Variants in MYO9A observed in about 807,000 individuals in gnomAD.
The protein encoded by MYO9A is unconventional myosin-IXa.
MYO9A carries 103 observed loss-of-function variants against 293.3 expected under a neutral mutation model. The observed-to-expected ratio is 0.35, with a 90% CI of 0.30 to 0.41. The LOEUF (loss-of-function observed/expected upper bound fraction) is 0.41. MYO9A is among the 10% of genes least tolerant of loss of function. The pLI is 1.00. For missense variants in MYO9A, 2,685 were observed against 3,033.0 expected (o/e 0.89, Z 2.69); for synonymous variants, 1,001 against 1,035.7 (o/e 0.97, Z 0.64).
Position 71,956,310 on chromosome 15 carries a change from TAAAAAA to T in MYO9A, c.2182+3585_2182+3590del, listed in dbSNP as rs869151550. Among the ~76,000 whole-genome samples, 36 of 36,764 alleles carry T rather than the reference TAAAAAA, an allele frequency of 9.8e-4. 1 individual carries two copies. The highest frequency in any genetic ancestry group is 3.0e-3 in the African/African-American group (29 of 9,540). The allele number at this position is 36,764 out of a possible 152,430, so 24.1% of individuals were successfully genotyped here. A position where few individuals can be genotyped will look rare whatever the true frequency, so the allele number is the denominator to read the frequency against. ...ATGCAACACAGCGAAACCCGGCTCT[TAAAAAA>T]AAAAAAAAAAAAAAATATATATATA... On this transcript the variant is annotated intron_variant, in intron 14 of 41. Transcript: ENST00000356056.
Position 71,898,371 on chromosome 15 carries a change from T to C in MYO9A, c.4132A>G (p.Asn1378Asp), listed in dbSNP as rs766323964. Residue 1378 changes from asparagine to aspartate, a missense_variant, in exon 25 of 42, where the codon AAT becomes GAT. Asn to Asp is a conservative substitution (Grantham distance 23). This residue lies in a region of MYO9A where 1,434 missense variants were observed against 1,497.7 expected (regional missense o/e 0.96). Transcript: ENST00000356056. ...AAATGCTCTGCACTGCTAGTCTCAT[T>C]TGAGGCACTGAGGGCATTGTCCCGT... ...DSRDNALSAS[N>D]ETSSAEHLKD... 1 of 1,613,638 alleles carries C rather than the reference T, an allele frequency of 6.2e-7. No individual in the cohort carries two copies. Among genetic ancestry groups the C allele is most frequent in the South Asian group, 1.1e-5 (1 of 91,080 alleles).
Position 71,850,080 on chromosome 15 carries a change from G to A in MYO9A, c.6669C>T (p.Thr2223=). Residue 2223 remains threonine (T), a synonymous_variant, in exon 38 of 42, where the codon ACC becomes ACT. Transcript: ENST00000356056. ...FAPCILRCPD[T]TDPLQSVQDI... ...CCTGTACACTTTGTAGTGGGTCAGT[G>A]GTGTCAGGGCAGCGGAGAATGCAGG... The A allele has an allele frequency of 6.2e-7, 1 of 1,614,082 alleles. No individual in the cohort carries two copies. Among genetic ancestry groups the A allele is most frequent in the South Asian group, 1.1e-5 (1 of 91,080 alleles).
intron 6 of MYO9A, among the ~76,000 whole-genome samples, chr15:72,014,547 G>C (rs894555604): frequency 2.0e-5 from 3 of 152,052 alleles, no homozygotes; most frequent in African/African-American, 7.2e-5. Flanking sequence ...TTAGCCAGGC[G>C]TGGTGCCGGG....
At chr15:71,984,398 A>C (rs1254325020) in intron 11 of MYO9A, among the ~76,000 whole-genome samples, 1 of 152,200 alleles carries the variant, frequency 6.6e-6, no homozygotes, top group Admixed American at 6.5e-5. Context: ...ATAATTTTCT[A>C]GGTATAAATA....
intron 30 of MYO9A, among the ~76,000 whole-genome samples, chr15:71,879,194 C>T (rs2056796214): frequency 6.6e-6 from 1 of 152,084 alleles, no homozygotes; most frequent in South Asian, 2.1e-4. Flanking sequence ...CTTCTATAGA[C>T]CAAAGCATTA....
intron 14 of MYO9A, among the ~76,000 whole-genome samples, chr15:71,952,991 A>G (rs1052434297): frequency 2.0e-5 from 3 of 152,172 alleles, no homozygotes; most frequent in African/African-American, 7.2e-5. Flanking sequence ...GGCAATGGAG[A>G]GGGAATCTAA....
At chr15:72,074,699 A>G (rs1277222731) in intron 1 of MYO9A, among the ~76,000 whole-genome samples, 1 of 152,210 alleles carries the variant, frequency 6.6e-6, no homozygotes, top group Admixed American at 6.5e-5. Context: ...TGCAGAGTAG[A>G]AAGTCAAGTG....
rs1475092472 is a variant in MYO9A, at chr15:71,898,153, T to G, written c.4350A>C (p.Thr1450=). The part of the protein sequence containing the change: ...QRNKLLENED[T]AGEALTLDIN... ...TATCCAAAGTAAGAGCTTCCCCCGC[T>G]GTGTCTTCATTTTCCAATAGTTTGT... Residue 1450 remains threonine, a synonymous_variant, in exon 25 of 42, where the codon ACA becomes ACC. Transcript: ENST00000356056. 3.1e-6 allele frequency: 5 copies of G among 1,614,188 alleles called. No homozygotes were observed. In the South Asian group the frequency reaches 5.5e-5, roughly 18 times the overall value.
chr15:71,906,043 GA>G (rs756382443), intron 19 of MYO9A, among the ~76,000 whole-genome samples: 1 of 151,810 alleles, frequency 6.6e-6, no homozygotes, highest in African/African-American at 2.4e-5. Flanking sequence ...CACAAATTTT[GA>G]TATTTCATTC....
intron 19 of MYO9A, among the ~76,000 whole-genome samples, chr15:71,912,004 T>C (rs1203864183): frequency 1.8e-4 from 27 of 152,174 alleles, no homozygotes; most frequent in Admixed American, 1.8e-3. Flanking sequence ...TATGGTTCCA[T>C]TTTAGTTCAG....
At chr15:71,832,913 A>C (rs1307043509) in intron 39 of MYO9A, among the ~76,000 whole-genome samples, 1 of 152,162 alleles carries the variant, frequency 6.6e-6, no homozygotes, top group Non-Finnish European at 1.5e-5. Context: ...AAAAAGATAA[A>C]ACTACTAGTT....
chr15:72,061,121 A>C (rs1436797669), intron 1 of MYO9A, among the ~76,000 whole-genome samples: 1 of 152,206 alleles, frequency 6.6e-6, no homozygotes, highest in Non-Finnish European at 1.5e-5. Flanking sequence ...CAGTCCTGGC[A>C]GGATTTATCA....
At chr15:71,910,128 G>A (rs1159023157) in intron 19 of MYO9A, among the ~76,000 whole-genome samples, 7 of 128,260 alleles carry the variant, frequency 5.5e-5, no homozygotes, top group African/African-American at 2.1e-4. Flanking sequence ...ATATATACAC[G>A]TGTATATATA....
At chr15:72,025,299 A>C (rs2077629544) in intron 4 of MYO9A, among the ~76,000 whole-genome samples, 3 of 152,202 alleles carry the variant, frequency 2.0e-5, no homozygotes, top group Admixed American at 1.3e-4. Flanking sequence ...CATCAAGAAG[A>C]CATAACAATT....
chr15:72,112,912 T>G (rs2080833008), intron 1 of MYO9A, among the ~76,000 whole-genome samples: 1 of 152,168 alleles, frequency 6.6e-6, no homozygotes, highest in Non-Finnish European at 1.5e-5. Flanking sequence ...CTGTGTACTT[T>G]TTGTATATTT....
At chr15:71,895,146 T>C (rs1219076790) in intron 25 of MYO9A, among the ~76,000 whole-genome samples, 1 of 152,212 alleles carries the variant, frequency 6.6e-6, no homozygotes, top group Non-Finnish European at 1.5e-5. Flanking sequence ...TTGAGCAATG[T>C]ATGTACAATG....
chr15:72,053,105 A>G (rs983582473), intron 1 of MYO9A, among the ~76,000 whole-genome samples: 14 of 152,210 alleles, frequency 9.2e-5, no homozygotes, highest in African/African-American at 1.7e-4. Context: ...CCACTAAAAA[A>G]GACTTTTTTT....
intron 1 of MYO9A, among the ~76,000 whole-genome samples, chr15:72,105,673 A>G (rs2080542941): frequency 1.3e-5 from 2 of 151,748 alleles, no homozygotes; most frequent in African/African-American, 4.8e-5. Context: ...ACGCCCAGCT[A>G]ATTTTGTATT....
At position 71,902,138 on chromosome 15, in the gene MYO9A, C is replaced by A. The variant is rs80192393; in HGVS notation, c.3001-798G>T. On this transcript the variant is annotated intron_variant, in intron 22 of 41. Coordinates refer to ENST00000356056, the MANE Select transcript of MYO9A (RefSeq NM_006901.4). The stretch of plus-strand genomic sequence containing the variant: ...TAATAAGGGCCAGAGACAAAAGATC[C>A]CACCTGAGTAACACAGAGAGTTGAA... Among the ~76,000 whole-genome samples the A allele has an allele frequency of 5.9e-3, 889 of 151,848 alleles. 7 individuals are homozygous for A. Among genetic ancestry groups the A allele is most frequent in the African/African-American group, 0.02 (826 of 41,394 alleles).
Sources: allele counts gnomAD v4.1 joint callset (sites outside exome capture counted in the v4.1 genomes callset), GRCh38; gene constraint gnomAD v4.1.1; regional missense constraint gnomAD v4.1.1; transcripts MANE v1.5; gene names NCBI Gene and HGNC (gene_info 2026-07-23, HGNC 2026-07-21).